The following PRKG1 variants were observed in gnomAD, a reference collection of about 807,000 sequenced individuals.
The protein encoded by PRKG1 is protein kinase cGMP-dependent 1, also known as cGMP-dependent protein kinase 1.
Under a neutral mutation model 88.1 loss-of-function variants are expected in PRKG1, and 35 were observed. The observed-to-expected ratio is 0.40, with a 90% CI of 0.30 to 0.53. PRKG1 has a LOEUF of 0.53. PRKG1 is among the 20% of genes least tolerant of loss of function. PRKG1 has a pLI of 0.59. For missense variants in PRKG1, 540 were observed against 839.8 expected (o/e 0.64, Z 4.41); for synonymous variants, 303 against 292.5 (o/e 1.04, Z -0.37).
chr10:51,744,821 A>G (rs189824000), intron 3 of PRKG1, among the ~76,000 whole-genome samples: 2 of 152,316 alleles, frequency 1.3e-5, no homozygotes, highest in Admixed American at 1.3e-4. Context: ...TGGCTAATAC[A>G]AGCACATCGA....
chr10:51,225,670 A>C (rs1480189161), intron 2 of PRKG1, among the ~76,000 whole-genome samples: 2 of 152,108 alleles, frequency 1.3e-5, no homozygotes, highest in African/African-American at 2.4e-5. Flanking sequence ...ATATAAATTC[A>C]GTGTGTATGT....
intron 3 of PRKG1, among the ~76,000 whole-genome samples, chr10:51,500,134 T>G (rs1840979482): frequency 6.6e-6 from 1 of 152,244 alleles, no homozygotes; most frequent in African/African-American, 2.4e-5. Context: ...TAAGATTAGA[T>G]GTATCCAAGT....
chr10:51,998,682 T>C (rs1844516067), intron 5 of PRKG1, among the ~76,000 whole-genome samples: 2 of 152,168 alleles, frequency 1.3e-5, no homozygotes, highest in African/African-American at 4.8e-5. Context: ...TACATAGGTG[T>C]TTGTTTGTTA....
chr10:51,519,105 C>T (rs1841669111), intron 3 of PRKG1, among the ~76,000 whole-genome samples: 1 of 152,088 alleles, frequency 6.6e-6, no homozygotes, highest in Admixed American at 6.6e-5. Flanking sequence ...TTGAATCATT[C>T]AACTTGAAGA....
intron 17 of PRKG1, among the ~76,000 whole-genome samples, chr10:52,291,882 G>A (rs1316035943): frequency 6.6e-6 from 1 of 152,018 alleles, no homozygotes; most frequent in Non-Finnish European, 1.5e-5. Flanking sequence ...GTGTAAAAGT[G>A]TTCCTATTTC....
At position 52,295,647 on chromosome 10, in the gene PRKG1, T is replaced by C. The variant is rs1323947099; in HGVS notation, c.*1747T>C. On this transcript the variant is annotated 3_prime_UTR_variant, in exon 18 of 18. Transcript: ENST00000373980. ...ATTAAATTGACGCTTGCTTTTTTTT[T>C]CAGTAGAGTTTTCTTTTTAATCAAT... 1 of 152,014 alleles carries C rather than the reference T, an allele frequency of 6.6e-6. No homozygotes were observed. Among genetic ancestry groups the C allele is most frequent in the Non-Finnish European group, 1.5e-5 (1 of 67,910 alleles). 9.4% of individuals were successfully genotyped at this position (152,014 alleles called of 1,614,324 possible). A position where few individuals can be genotyped will look rare whatever the true frequency, so the allele number is the denominator to read the frequency against.
intron 3 of PRKG1, among the ~76,000 whole-genome samples, chr10:51,755,681 A>G (rs1837840961): frequency 6.6e-6 from 1 of 152,220 alleles, no homozygotes; most frequent in Admixed American, 6.5e-5. Context: ...CTATTCAATT[A>G]TTTATTTAAC....
intron 7 of PRKG1, among the ~76,000 whole-genome samples, chr10:52,106,524 T>C (rs913258943): frequency 6.6e-6 from 1 of 152,014 alleles, no homozygotes; most frequent in Non-Finnish European, 1.5e-5. Context: ...TACTAGATCA[T>C]GTACTTTAGG....
At chr10:51,507,645 C>T (rs1237896123) in intron 3 of PRKG1, among the ~76,000 whole-genome samples, 5 of 152,050 alleles carry the variant, frequency 3.3e-5, no homozygotes, top group African/African-American at 4.8e-5. Context: ...AATCCTTCTG[C>T]GGGTCATGAG....
chr10:51,852,213 G>GTGTATATATATATATATATATATATA lies in PRKG1; in HGVS notation c.698+47524_698+47525insGTATATATATATATATATATATATAT, dbSNP rs1554848714. On this transcript the variant is annotated intron_variant, in intron 4 of 17. Transcript: ENST00000373980. ...TTAGGCAAACCTAAGTTTTATATGT[G>GTGTATATATATATATATATATATATA]TATATATATATATATACACACACAC... 4.3e-4 allele frequency among the ~76,000 whole-genome samples: 62 copies of GTGTATATATATATATATATATATATA among 143,280 alleles called. 1 individual carries two copies. Among genetic ancestry groups the GTGTATATATATATATATATATATATA allele is most frequent in the African/African-American group, 1.5e-3 (58 of 37,882 alleles). The allele number at this position is 143,280 out of a possible 152,430, so 94.0% of individuals were successfully genotyped here.
At chr10:52,172,018 G>T (rs940173451) in intron 9 of PRKG1, among the ~76,000 whole-genome samples, 1 of 150,974 alleles carries the variant, frequency 6.6e-6, no homozygotes, top group African/African-American at 2.4e-5. Flanking sequence ...TAGCCAGGAT[G>T]GTCTCGATCT....
rs149140774 is a variant in PRKG1 at position 51,483,009 on chromosome 10, C to CTT, written c.592+15192_592+15193dup. 3.0e-3 allele frequency among the ~76,000 whole-genome samples: 332 copies of CTT among 110,422 alleles called. 3 individuals carry two copies. The highest frequency in any genetic ancestry group is 0.012 in the South Asian group (37 of 3,204). 72.4% of individuals were successfully genotyped at this position (110,422 alleles called of 152,430 possible). ...GTTTCCTGAATCTTTTCTTTTCTTTCTTTTTTTTTTTTTTTTTTTTGAGAT... is the reference window on the plus strand; with the variant it reads ...GTTTCCTGAATCTTTTCTTTTCTTTCTTTTTTTTTTTTTTTTTTTTTTGAGAT... On this transcript the variant is annotated intron_variant, in intron 3 of 17. Coordinates refer to ENST00000373980, the MANE Select transcript of PRKG1 (RefSeq NM_006258.4).
chr10:51,211,107 C>T (rs1451288594), intron 2 of PRKG1, among the ~76,000 whole-genome samples: 1 of 152,204 alleles, frequency 6.6e-6, no homozygotes, highest in Non-Finnish European at 1.5e-5. Flanking sequence ...CATCAAAAAG[C>T]TTATCCAACA....
At chr10:51,683,952 G>A (rs55736166) in intron 3 of PRKG1, among the ~76,000 whole-genome samples, 13,897 of 152,232 alleles carry the variant, frequency 0.091, 756 homozygotes, top group Admixed American at 0.13. Flanking sequence ...AAATAGTTTG[G>A]TCGTTTTGGA....
At chr10:51,706,807 T>G (rs1218082970) in intron 3 of PRKG1, among the ~76,000 whole-genome samples, 2 of 152,192 alleles carry the variant, frequency 1.3e-5, no homozygotes, top group Non-Finnish European at 2.9e-5. Flanking sequence ...CCACATCTTT[T>G]AAATGAGAGT....
intron 1 of PRKG1, among the ~76,000 whole-genome samples, chr10:50,998,199 CAT>C (rs1453263185): frequency 3.3e-5 from 5 of 152,144 alleles, no homozygotes. Flanking sequence ...TCTCCTTTTC[CAT>C]GCTCCTGGAT....
intron 3 of PRKG1, among the ~76,000 whole-genome samples, chr10:51,705,102 C>T (rs889954148): frequency 6.6e-6 from 1 of 152,114 alleles, no homozygotes; most frequent in Non-Finnish European, 1.5e-5. Context: ...CATACATGAT[C>T]TGTATTTTTT....
chr10:51,930,976 T>C (rs910938166), intron 5 of PRKG1, among the ~76,000 whole-genome samples: 1 of 152,218 alleles, frequency 6.6e-6, no homozygotes, highest in African/African-American at 2.4e-5. Context: ...CTGGAAGTGC[T>C]TCTCTCCTGT....
intron 3 of PRKG1, among the ~76,000 whole-genome samples, chr10:51,670,489 C>G (rs1840530201): frequency 6.6e-6 from 1 of 151,022 alleles, no homozygotes; most frequent in African/African-American, 2.4e-5. Context: ...GTAATCCCAG[C>G]ACTTTGGGAG....
Sources: gnomAD v4.1 joint callset for allele counts (sites outside exome capture counted in the v4.1 genomes callset) on GRCh38, gnomAD v4.1.1 for gene constraint, MANE v1.5 for transcripts, NCBI Gene and HGNC (gene_info 2026-07-23, HGNC 2026-07-21) for gene names.